The following DYNC1I1 variants were observed in gnomAD, a reference collection of about 807,000 sequenced individuals.
The protein encoded by DYNC1I1 is cytoplasmic dynein 1 intermediate chain 1.
In DYNC1I1, 43 loss-of-function variants were observed where a neutral mutation model predicts 86.6. The ratio of observed to expected loss-of-function variants is 0.50; its 90% CI spans 0.39 to 0.64. The LOEUF is 0.64. Among genes scored for constraint, DYNC1I1 ranks in the 30% least tolerant of loss-of-function variants. The pLI, the probability that DYNC1I1 is intolerant of heterozygous loss-of-function variation, is 0.00. For synonymous variants in DYNC1I1, 262 were observed against 283.7 expected (o/e 0.92, Z 0.77); for missense variants, 604 against 788.8 (o/e 0.77, Z 2.81).
intron 6 of DYNC1I1, among the ~76,000 whole-genome samples, chr7:95,907,421 G>A (rs561237388): frequency 1.2e-3 from 178 of 152,260 alleles, no homozygotes; most frequent in African/African-American, 4.1e-3. Flanking sequence ...ACTTAAAGCT[G>A]TGTACAGTCA....
chr7:95,862,863 T>C (rs2116131457), intron 5 of DYNC1I1, among the ~76,000 whole-genome samples: 1 of 152,354 alleles, frequency 6.6e-6, no homozygotes, highest in African/African-American at 2.4e-5. Context: ...TTGCATATAA[T>C]CTATGTACAT....
intron 6 of DYNC1I1, among the ~76,000 whole-genome samples, chr7:95,971,042 G>T (rs541365206): frequency 2.2e-4 from 34 of 152,162 alleles, no homozygotes; most frequent in Non-Finnish European, 4.1e-4. Flanking sequence ...CAGGTATCCA[G>T]CTGGGATTCC....
At chr7:96,051,049 C>G (rs2116106873) in intron 14 of DYNC1I1, among the ~76,000 whole-genome samples, 1 of 152,278 alleles carries the variant, frequency 6.6e-6, no homozygotes, top group Admixed American at 6.5e-5. Flanking sequence ...TTAAGACATT[C>G]ATTATTCCAC....
chr7:96,097,633 T>C lies in DYNC1I1; in HGVS notation c.*40T>C, dbSNP rs769194543. 6.2e-7 allele frequency: 1 copy of C among 1,611,350 alleles called. No individual in the cohort carries two copies. Among genetic ancestry groups the C allele is most frequent in the Non-Finnish European group, 8.5e-7 (1 of 1,178,498 alleles). ...CCCCACTGCAGCCCCCACCTTTGTG[T>C]CCTAGAGCTCAGCGTCTGCAGTCAA... On this transcript the variant is annotated 3_prime_UTR_variant, in exon 17 of 17. Coordinates refer to ENST00000447467, the MANE Select transcript of DYNC1I1 (RefSeq NM_001135556.2).
downstream of DYNC1I1, chr7:96,110,169 G>A: frequency 2.7e-6 from 1 of 370,756 alleles, no homozygotes; most frequent in Non-Finnish European, 5.3e-6. Flanking sequence ...AGTTCTTTCA[G>A]TTCTATCAGC....
At chr7:96,025,511 C>T (rs527733570) in intron 10 of DYNC1I1, among the ~76,000 whole-genome samples, 1 of 152,170 alleles carries the variant, frequency 6.6e-6, no homozygotes, top group Admixed American at 6.5e-5. Context: ...ACTCTGGAAG[C>T]AGAACTCTGG....
intron 5 of DYNC1I1, among the ~76,000 whole-genome samples, chr7:95,854,031 C>G (rs1404028953): frequency 6.6e-6 from 1 of 152,122 alleles, no homozygotes; most frequent in East Asian, 1.9e-4. Context: ...CACTTTCAGT[C>G]TGTGTGTGTC....
rs1046912646 is a variant in DYNC1I1, at chr7:96,097,910, C to G, written c.*317C>G. The G allele has an allele frequency of 5.1e-5, 55 of 1,072,234 alleles. No individual in the cohort carries two copies. The highest frequency in any genetic ancestry group is 5.9e-5 in the Non-Finnish European group (52 of 881,524). The allele number at this position is 1,072,234 out of a possible 1,614,324, so 66.4% of individuals were successfully genotyped here. ...CTGGAAACCTCTGGTTAAATTTGTGCTTACATGCACTCCTGGCATAGTCCT... is the reference window on the plus strand; with the variant it reads ...CTGGAAACCTCTGGTTAAATTTGTGGTTACATGCACTCCTGGCATAGTCCT... On this transcript the variant is annotated 3_prime_UTR_variant, in exon 17 of 17. Coordinates refer to ENST00000447467, the MANE Select transcript of DYNC1I1 (RefSeq NM_001135556.2).
At chr7:95,845,545 C>G (rs1789402585) in intron 5 of DYNC1I1, among the ~76,000 whole-genome samples, 1 of 152,158 alleles carries the variant, frequency 6.6e-6, no homozygotes, top group Non-Finnish European at 1.5e-5. Context: ...TGTCATGTAA[C>G]AATGCCTGGT....
intron 5 of DYNC1I1, among the ~76,000 whole-genome samples, chr7:95,837,063 G>C (rs1789116385): frequency 6.6e-6 from 1 of 151,342 alleles, no homozygotes; most frequent in Non-Finnish European, 1.5e-5. Flanking sequence ...AGAGTTTCCA[G>C]TTTTTCTGTT....
chr7:95,813,277 C>G lies in DYNC1I1; in HGVS notation c.254C>G (p.Ser85Ter). 1.2e-6 allele frequency: 2 copies of G among 1,612,628 alleles called. No homozygotes were observed. The highest frequency in any genetic ancestry group is 1.7e-6 in the Non-Finnish European group (2 of 1,179,532). Reference protein sequence around the residue: ...VPTPMSPSSKSVSTPSEAGSQ... With the variant: ...VPTPMSPSSK Reference sequence around the variant, plus strand: ...ACCCCTATGTCTCCCTCCTCGAAATCAGTGAGCACTCCCAGTGAAGCTGGA... The same window carrying G: ...ACCCCTATGTCTCCCTCCTCGAAATGAGTGAGCACTCCCAGTGAAGCTGGA... Residue 85 changes from serine to a stop codon, truncating the protein, a stop_gained, in exon 4 of 17, where the codon TCA becomes TGA. Coordinates refer to ENST00000447467, the MANE Select transcript of DYNC1I1 (RefSeq NM_001135556.2). LOFTEE classifies it high-confidence loss of function.
At chr7:95,829,831 A>G (rs1795283084) in intron 5 of DYNC1I1, among the ~76,000 whole-genome samples, 1 of 152,084 alleles carries the variant, frequency 6.6e-6, no homozygotes, top group African/African-American at 2.4e-5. Flanking sequence ...TTCTAAATAC[A>G]AACCGATATA....
intron 1 of DYNC1I1, among the ~76,000 whole-genome samples, chr7:95,794,604 T>C (rs893993708): frequency 3.3e-5 from 5 of 152,118 alleles, no homozygotes; most frequent in African/African-American, 1.2e-4. Context: ...AGATACCCTA[T>C]GGATTGATTT....
At chr7:95,850,432 C>T (rs1789546233) in intron 5 of DYNC1I1, among the ~76,000 whole-genome samples, 1 of 152,014 alleles carries the variant, frequency 6.6e-6, no homozygotes, top group Non-Finnish European at 1.5e-5. Flanking sequence ...TGAATTTTGC[C>T]AACTGCTCTT....
At chr7:96,092,381 G>T (rs1790875379) in intron 16 of DYNC1I1, among the ~76,000 whole-genome samples, 1 of 152,152 alleles carries the variant, frequency 6.6e-6, no homozygotes. Flanking sequence ...AGTCCTAGAA[G>T]ATGGATCTTA....
intron 16 of DYNC1I1, among the ~76,000 whole-genome samples, chr7:96,086,507 A>T (rs973192086): frequency 6.6e-6 from 1 of 152,206 alleles, no homozygotes; most frequent in African/African-American, 2.4e-5. Flanking sequence ...AGCTTTATTG[A>T]TTTGGTATCC....
intron 1 of DYNC1I1, among the ~76,000 whole-genome samples, chr7:95,791,967 A>T (rs1025185265): frequency 7.2e-5 from 11 of 152,236 alleles, no homozygotes; most frequent in Non-Finnish European, 1.5e-5. Flanking sequence ...CTTTAAAAGC[A>T]TAGAATGCTG....
rs2115633219 is a variant in DYNC1I1, at chr7:95,977,503, T to C, written c.491-9T>C. 1 of 1,610,704 alleles carries C rather than the reference T, an allele frequency of 6.2e-7. No homozygotes were observed. Among genetic ancestry groups the C allele is most frequent in the Non-Finnish European group, 8.5e-7 (1 of 1,178,990 alleles). On this transcript the variant is annotated splice_polypyrimidine_tract_variant and intron_variant, in intron 6 of 16. Transcript: ENST00000447467. ...GAAAATATTGTATTTTTCTCTTTCT[T>C]TTTTCTAGAGGATGAGGAAGATGAG...
chr7:95,775,727 A>T (rs1377322831), intron 1 of DYNC1I1, among the ~76,000 whole-genome samples: 1 of 152,158 alleles, frequency 6.6e-6, no homozygotes, highest in African/African-American at 2.4e-5. Flanking sequence ...TGGATCTCAA[A>T]TGCTGTGTAA....
Sources: allele counts gnomAD v4.1 joint callset (sites outside exome capture counted in the v4.1 genomes callset), GRCh38; gene constraint gnomAD v4.1.1; transcripts MANE v1.5; gene names NCBI Gene and HGNC (gene_info 2026-07-23, HGNC 2026-07-21).